Variants in P3H2 observed in about 807,000 individuals in gnomAD.
P3H2 encodes the protein prolyl 3-hydroxylase 2, also known as leprecan-like 1.
Under a neutral mutation model 87.0 loss-of-function variants are expected in P3H2, and 80 were observed. The observed-to-expected ratio is 0.92, with a 90% CI of 0.77 to 1.11. The LOEUF is 1.11. P3H2 is among the 50% of genes least tolerant of loss of function. The pLI is 0.00. For missense variants in P3H2, 1,001 were observed against 923.9 expected (o/e 1.08, Z -1.08); for synonymous variants, 367 against 359.3 (o/e 1.02, Z -0.24).
At chr3:189,994,756 TA>T (rs11417825) in intron 2 of P3H2, among the ~76,000 whole-genome samples, 186 of 141,726 alleles carry the variant, frequency 1.3e-3, no homozygotes, top group Middle Eastern at 3.6e-3. Flanking sequence ...TGTCAAAAAT[TA>T]AAAAAAAAAA....
chr3:190,074,614 A>G (rs1560389636), intron 1 of P3H2, among the ~76,000 whole-genome samples: 1 of 152,184 alleles, frequency 6.6e-6, no homozygotes. Context: ...TCATAACACA[A>G]TGTAATTCCT....
rs143055161 is a variant in P3H2, at chr3:190,072,275, C to A, written c.480+47977G>T. ...CTCCTGACCTTAGGTGATCTGCCCA[C>A]CTCGGCCTCCCAAAGTACTGGAATT... On this transcript the variant is annotated intron_variant, in intron 1 of 14. Coordinates refer to ENST00000319332, the MANE Select transcript of P3H2 (RefSeq NM_018192.4). Among the ~76,000 whole-genome samples, 415 of 152,202 alleles carry A rather than the reference C, an allele frequency of 2.7e-3. 1 individual carries two copies. The highest frequency in any genetic ancestry group is 9.8e-3 in the African/African-American group (409 of 41,528).
At chr3:190,086,078 T>A (rs1424463919) in intron 1 of P3H2, among the ~76,000 whole-genome samples, 1 of 152,150 alleles carries the variant, frequency 6.6e-6, no homozygotes, top group Non-Finnish European at 1.5e-5. Context: ...ATGGTATCAT[T>A]AGCTACCCCA....
At chr3:189,991,526 C>T (rs982536230) in intron 3 of P3H2, among the ~76,000 whole-genome samples, 1 of 152,168 alleles carries the variant, frequency 6.6e-6, no homozygotes, top group Non-Finnish European at 1.5e-5. Flanking sequence ...TTCATTTAAC[C>T]AGTATTTACT....
chr3:190,022,978 C>T (rs1432491470), intron 1 of P3H2, among the ~76,000 whole-genome samples: 9 of 152,220 alleles, frequency 5.9e-5, no homozygotes, highest in Admixed American at 3.3e-4. Flanking sequence ...AGGCACCCAC[C>T]ACCACGCCTG....
At chr3:190,069,373 G>A (rs1201705471) in intron 1 of P3H2, among the ~76,000 whole-genome samples, 1 of 152,058 alleles carries the variant, frequency 6.6e-6, no homozygotes, top group South Asian at 2.1e-4. Flanking sequence ...TTCAGGACTA[G>A]AAAAAATGGA....
chr3:190,101,431 C>T (rs1311519563), intron 1 of P3H2, among the ~76,000 whole-genome samples: 2 of 113,348 alleles, frequency 1.8e-5, no homozygotes, highest in Non-Finnish European at 3.5e-5. Flanking sequence ...CTACAGTGAA[C>T]ACATGGATAA....
At chr3:189,972,681 T>C (rs1723212216) in intron 11 of P3H2, among the ~76,000 whole-genome samples, 193 bp downstream of exon 11, 1 of 151,892 alleles carries the variant, frequency 6.6e-6, no homozygotes, top group East Asian at 1.9e-4. Flanking sequence ...AGAACGAGGG[T>C]TTTCTGGAAC....
At chr3:190,044,749 C>T (rs1461432504) in intron 1 of P3H2, among the ~76,000 whole-genome samples, 1 of 152,108 alleles carries the variant, frequency 6.6e-6, no homozygotes, top group African/African-American at 2.4e-5. Flanking sequence ...AATTGCGATG[C>T]CTCTATTTAT....
chr3:190,022,895 C>T lies in P3H2; in HGVS notation c.481-27453G>A, dbSNP rs577280805. 4.2e-4 allele frequency among the ~76,000 whole-genome samples: 64 copies of T among 152,142 alleles called. 1 individual carries two copies. In the South Asian group the frequency reaches 5.8e-3, roughly 14 times the overall value. ...AGGCCCGAGTGCAGTGGCGCGATCT[C>T]GGCTCACTGCAAGTTCCACCTCCCG... On this transcript the variant is annotated intron_variant, in intron 1 of 14. Coordinates refer to ENST00000319332, the MANE Select transcript of P3H2 (RefSeq NM_018192.4).
chr3:190,064,663 G>C (rs1726440540), intron 1 of P3H2, among the ~76,000 whole-genome samples: 1 of 152,058 alleles, frequency 6.6e-6, no homozygotes, highest in South Asian at 2.1e-4. Context: ...TATATCTGAG[G>C]CTTCACTGAA....
chr3:189,987,287 CA>C (rs1577255879), intron 5 of P3H2, among the ~76,000 whole-genome samples: 2 of 151,856 alleles, frequency 1.3e-5, no homozygotes, highest in Non-Finnish European at 1.5e-5. Flanking sequence ...CCAGCCTGAC[CA>C]ACATGGAGAA....
In P3H2 at chr3:189,985,367, C is replaced by T. The variant is rs150425486; in HGVS notation, c.1189-777G>A. ...AGTTAAAATGATGTATTATTTCATA[C>T]ATAATATATAAATAATAAAAGTGAT... On this transcript the variant is annotated intron_variant, in intron 6 of 14. Coordinates refer to ENST00000319332, the MANE Select transcript of P3H2 (RefSeq NM_018192.4). Among the ~76,000 whole-genome samples the T allele has an allele frequency of 1.6e-3, 247 of 151,438 alleles. 1 individual carries two copies. Among genetic ancestry groups the T allele is most frequent in the African/African-American group, 5.7e-3 (236 of 41,432 alleles).
chr3:190,122,021 GGTGAAGGTT>G, upstream of P3H2, among the ~76,000 whole-genome samples: 1 of 148,228 alleles, frequency 6.7e-6, no homozygotes, highest in African/African-American at 2.6e-5. Context: ...GAACCTGGGA[GGTGAAGGTT>G]GCAGTGAGCT....
chr3:189,970,753 T>C, intron 13 of P3H2, 63 bp downstream of exon 13: 12 of 947,522 alleles, frequency 1.3e-5, no homozygotes, highest in Non-Finnish European at 2.1e-5. Context: ...TGTAAGTACT[T>C]AGAAAAATGG....
intron 1 of P3H2, among the ~76,000 whole-genome samples, chr3:190,037,036 C>T (rs912946391): frequency 8.6e-5 from 13 of 151,858 alleles, no homozygotes; most frequent in Non-Finnish European, 1.5e-4. Flanking sequence ...TGCAGAAGCC[C>T]AAACAATAGT....
chr3:189,962,582 C>T (rs796428176), intron 14 of P3H2, among the ~76,000 whole-genome samples: 6 of 152,334 alleles, frequency 3.9e-5, no homozygotes, highest in African/African-American at 1.2e-4. Context: ...CTTCTTACAG[C>T]GTATTTACTA....
chr3:189,966,165 AAGAAAGAAAGAAAGAAAGAAAG>A, intron 13 of P3H2, among the ~76,000 whole-genome samples: 1 of 147,856 alleles, frequency 6.8e-6, no homozygotes, highest in Non-Finnish European at 1.5e-5. Flanking sequence ...GAAAGAAAGA[AAGAAAGAAAGAAAGAAAGAAAG>A]AAAGAAAAGC....
chr3:190,098,495 TA>T (rs1370999146), intron 1 of P3H2, among the ~76,000 whole-genome samples: 1 of 152,166 alleles, frequency 6.6e-6, no homozygotes, highest in African/African-American at 2.4e-5. Context: ...ATGATAATGA[TA>T]GCACCAATAA....
Sources: allele counts gnomAD v4.1 joint callset (sites outside exome capture counted in the v4.1 genomes callset), GRCh38; gene constraint gnomAD v4.1.1; transcripts MANE v1.5; gene names NCBI Gene and HGNC (gene_info 2026-07-23, HGNC 2026-07-21).